MAD1L1: variants seen among roughly 807,000 people sequenced by gnomAD.
The protein encoded by MAD1L1 is mitotic arrest deficient 1 like 1.
A neutral mutation model predicts 96.9 loss-of-function variants in MAD1L1; 95 were observed. The ratio of observed to expected loss-of-function variants is 0.98; its 90% CI spans 0.83 to 1.16. MAD1L1 has a LOEUF of 1.16. Ranked by LOEUF, MAD1L1 falls within the 50% of genes most tolerant of loss-of-function variation. The pLI is 0.00. For missense variants in MAD1L1, 1,007 were observed against 954.4 expected, an observed-to-expected ratio of 1.06 and a Z score of -0.73; for synonymous variants, 473 against 396.6, an observed-to-expected ratio of 1.19 and a Z score of -2.29.
chr7:2,143,265 T>TG (rs1031958570), intron 11 of MAD1L1, among the ~76,000 whole-genome samples: 10 of 150,928 alleles, frequency 6.6e-5, no homozygotes, highest in Non-Finnish European at 1.2e-4. Flanking sequence ...CCTGGGCCAG[T>TG]GGTGGCTTCT....
chr7:1,925,192 G>T (rs1049721652), intron 17 of MAD1L1, among the ~76,000 whole-genome samples: 2 of 152,164 alleles, frequency 1.3e-5, no homozygotes, highest in African/African-American at 4.8e-5. Context: ...ACATTTTGAG[G>T]TTATCAAATT....
At chr7:2,215,270 C>T (rs1419734192) in intron 9 of MAD1L1, among the ~76,000 whole-genome samples, 1 of 150,068 alleles carries the variant, frequency 6.7e-6, no homozygotes. Context: ...CCCAGCTACT[C>T]AGGAGGCTGA....
intron 10 of MAD1L1, among the ~76,000 whole-genome samples, chr7:2,155,510 C>T (rs534404687): frequency 2.0e-4 from 30 of 152,298 alleles, no homozygotes; most frequent in African/African-American, 7.2e-4. Flanking sequence ...TCCATACTAC[C>T]TTCCGTCTCT....
rs191374715 is a variant in MAD1L1, at chr7:1,894,474, C to T, written c.1998+3726G>A. 2.9e-3 allele frequency among the ~76,000 whole-genome samples: 443 copies of T among 152,302 alleles called. 1 individual carries two copies. Among genetic ancestry groups the T allele is most frequent in the African/African-American group, 0.01 (417 of 41,556 alleles). On this transcript the variant is annotated intron_variant, in intron 18 of 18. Transcript: ENST00000265854. ...CAACAGGGATCCCGGTGCAACATGACCCCTCCCCAGCTCCACAGGTGGCAC... is the reference window on the plus strand; with the variant it reads ...CAACAGGGATCCCGGTGCAACATGATCCCTCCCCAGCTCCACAGGTGGCAC...
At chr7:1,942,031 C>T (rs528439183) in intron 16 of MAD1L1, among the ~76,000 whole-genome samples, 1 of 152,174 alleles carries the variant, frequency 6.6e-6, no homozygotes, top group Non-Finnish European at 1.5e-5. Context: ...ACGTCCCCAC[C>T]GTGATTCTGG....
intron 11 of MAD1L1, among the ~76,000 whole-genome samples, chr7:2,126,586 C>T (rs956605487): frequency 4.6e-5 from 7 of 152,198 alleles, no homozygotes; most frequent in East Asian, 3.9e-4. Context: ...AGGCCGATGC[C>T]GCCAGCCTTC....
At chr7:1,964,731 G>A (rs766493021) in intron 15 of MAD1L1, among the ~76,000 whole-genome samples, 6 of 152,236 alleles carry the variant, frequency 3.9e-5, no homozygotes, top group Admixed American at 6.5e-5. Flanking sequence ...GAGCGTGTGC[G>A]TGGAAAGCAG....
intron 11 of MAD1L1, among the ~76,000 whole-genome samples, chr7:2,123,259 C>A (rs1202194113): frequency 2.1e-5 from 3 of 142,934 alleles, no homozygotes; most frequent in Non-Finnish European, 4.5e-5. Context: ...GAGCCGAGAT[C>A]GGGCCACTGC....
chr7:1,996,087 G>A (rs189248811), intron 14 of MAD1L1, among the ~76,000 whole-genome samples: 202 of 152,302 alleles, frequency 1.3e-3, no homozygotes, highest in African/African-American at 4.4e-3. Flanking sequence ...AGTGAAGATA[G>A]AGGCACCAGC....
chr7:1,910,961 C>T (rs1018890022), intron 17 of MAD1L1, among the ~76,000 whole-genome samples: 15 of 152,210 alleles, frequency 9.9e-5, no homozygotes, highest in African/African-American at 2.7e-4. Flanking sequence ...GCACCCATCC[C>T]GTGACCGGAG....
At chr7:2,224,861 C>A (rs559662507) in intron 4 of MAD1L1, among the ~76,000 whole-genome samples, 1 of 152,146 alleles carries the variant, frequency 6.6e-6, no homozygotes, top group African/African-American at 2.4e-5. Context: ...TTGAGACCGG[C>A]ACCCTTTGCT....
intron 17 of MAD1L1, among the ~76,000 whole-genome samples, chr7:1,908,077 G>A (rs535162732): frequency 1.6e-4 from 25 of 152,318 alleles, no homozygotes; most frequent in African/African-American, 4.8e-4. Context: ...GCCCACACAC[G>A]GTCCCAACGA....
intron 17 of MAD1L1, among the ~76,000 whole-genome samples, chr7:1,917,331 T>C (rs944448473): frequency 2.0e-5 from 3 of 152,096 alleles, no homozygotes; most frequent in African/African-American, 7.2e-5. Context: ...CACAGGAGCC[T>C]CATGACAGCC....
chr7:2,140,147 T>C (rs1404993119), intron 11 of MAD1L1, among the ~76,000 whole-genome samples: 1 of 152,206 alleles, frequency 6.6e-6, no homozygotes, highest in Non-Finnish European at 1.5e-5. Flanking sequence ...CAAGCCCAGG[T>C]GGCCCCTGCA....
intron 11 of MAD1L1, among the ~76,000 whole-genome samples, chr7:2,140,738 T>C (rs1221950749): frequency 6.6e-6 from 1 of 152,256 alleles, no homozygotes; most frequent in Non-Finnish European, 1.5e-5. Context: ...AGTCCCTGCA[T>C]GCCAGAAAGG....
At chr7:2,015,983 T>C (rs1406004525) in intron 12 of MAD1L1, among the ~76,000 whole-genome samples, 2 of 152,160 alleles carry the variant, frequency 1.3e-5, no homozygotes, top group Non-Finnish European at 2.9e-5. Flanking sequence ...AGCGGATGGG[T>C]ATCTATAAGA....
chr7:2,155,355 C>T (rs954944554), intron 10 of MAD1L1, among the ~76,000 whole-genome samples: 2 of 152,180 alleles, frequency 1.3e-5, no homozygotes, highest in African/African-American at 2.4e-5. Flanking sequence ...ATTTTTAAGT[C>T]CCCAGTTCTG....
intron 11 of MAD1L1, among the ~76,000 whole-genome samples, chr7:2,082,153 A>C (rs562010427): frequency 5.9e-5 from 9 of 151,920 alleles, no homozygotes; most frequent in Admixed American, 2.0e-4. Context: ...GAGATGCCAG[A>C]GAAAGGGAAG....
intron 18 of MAD1L1, among the ~76,000 whole-genome samples, chr7:1,875,857 A>C (rs11770612): frequency 0.3 from 45,405 of 152,164 alleles, 8,130 homozygotes; most frequent in African/African-American, 0.5. Context: ...TAAGGAGGGA[A>C]GTTAAGTCTG....
Sources: gnomAD v4.1 joint callset for allele counts (sites outside exome capture counted in the v4.1 genomes callset) on GRCh38, gnomAD v4.1.1 for gene constraint, MANE v1.5 for transcripts, NCBI Gene and HGNC (gene_info 2026-07-23, HGNC 2026-07-21) for gene names.